The following CFAP251 variants were observed in gnomAD, a reference collection of about 807,000 sequenced individuals.
CFAP251 encodes the protein cilia and flagella associated protein 251, also known as cilia- and flagella-associated protein 251.
In CFAP251, 93 loss-of-function variants were observed where a neutral mutation model predicts 126.7. The observed-to-expected ratio is 0.73, with a 90% CI of 0.62 to 0.87. The LOEUF is 0.87. Among genes scored for constraint, CFAP251 ranks in the 40% least tolerant of loss-of-function variants. CFAP251 has a pLI of 0.00. For synonymous variants in CFAP251, 503 were observed against 506.9 expected, an observed-to-expected ratio of 0.99 and a Z score of 0.10; for missense variants, 1,287 against 1,389.2, an observed-to-expected ratio of 0.93 and a Z score of 1.17.
At chr12:121,993,975 G>C (rs1882957147) in intron 19 of CFAP251, among the ~76,000 whole-genome samples, 1 of 82,572 alleles carries the variant, frequency 1.2e-5, no homozygotes, top group African/African-American at 3.6e-5. Flanking sequence ...AGGGAGGTGG[G>C]GGGGTCAGCC....
chr12:121,961,104 G>A (rs1183680398), intron 14 of CFAP251, among the ~76,000 whole-genome samples: 1 of 152,184 alleles, frequency 6.6e-6, no homozygotes, highest in African/African-American at 2.4e-5. Context: ...ATCAGTTGGG[G>A]CCAGGCTGCT....
At chr12:121,975,741 C>A in intron 19 of CFAP251, 56 bp downstream of exon 19, 1 of 1,512,158 alleles carries the variant, frequency 6.6e-7, no homozygotes, top group South Asian at 1.4e-5. Context: ...AAAAAACAAC[C>A]TCTGGGAACA....
chr12:121,988,177 CTTGCCA>C (rs1882795633), intron 19 of CFAP251, among the ~76,000 whole-genome samples: 1 of 151,850 alleles, frequency 6.6e-6, no homozygotes, highest in Non-Finnish European at 1.5e-5. Context: ...AATGTTGTTA[CTTGCCA>C]TTGCCATGGC....
intron 19 of CFAP251, among the ~76,000 whole-genome samples, chr12:121,984,794 G>A (rs902989664): frequency 5.3e-5 from 8 of 152,134 alleles, no homozygotes; most frequent in Non-Finnish European, 7.4e-5. Flanking sequence ...CATATCATTC[G>A]TTTCCTGCTT....
chr12:121,972,972 T>C (rs1882373820), intron 17 of CFAP251, among the ~76,000 whole-genome samples: 1 of 152,238 alleles, frequency 6.6e-6, no homozygotes, highest in African/African-American at 2.4e-5. Context: ...AAGTTGCCTA[T>C]GTAACCAATA....
chr12:121,962,174 G>A lies in CFAP251; in HGVS notation c.2492+12G>A. ...ACCAAAATGTGCAGGTAAGCACCCGGAGCTTCCCATTGCAGGGGGCGTGGA... is the reference window on the plus strand; with the variant it reads ...ACCAAAATGTGCAGGTAAGCACCCGAAGCTTCCCATTGCAGGGGGCGTGGA... On this transcript the variant is annotated intron_variant, in intron 15 of 21. Coordinates refer to ENST00000288912, the MANE Select transcript of CFAP251 (RefSeq NM_144668.6). 1 of 1,610,636 alleles carries A rather than the reference G, an allele frequency of 6.2e-7. No individual in the cohort carries two copies. Among genetic ancestry groups the A allele is most frequent in the Non-Finnish European group, 8.5e-7 (1 of 1,178,688 alleles).
At chr12:121,932,174 T>C (rs1276052546) in intron 4 of CFAP251, 1 of 197,014 alleles carries the variant, frequency 5.1e-6, no homozygotes, top group Non-Finnish European at 1.0e-5. Flanking sequence ...GTAGATCATA[T>C]CTCCACAGAT....
intron 8 of CFAP251, chr12:121,950,069 A>T (rs773470465): frequency 6.6e-6 from 1 of 152,252 alleles, no homozygotes; most frequent in African/African-American, 2.4e-5. Context: ...ACCAAAAGGT[A>T]GAAACAAGCC....
At position 121,968,129 on chromosome 12, in the gene CFAP251, G is replaced by A. The variant is rs1427888977; in HGVS notation, c.2731G>A (p.Gly911Arg). ...YDGCYAFTAG[G>R]HDRSVVQWKI... Reference sequence around the variant, plus strand: ...TGGCTGCTACGCCTTCACTGCGGGAGGGCACGATCGCTCGGTGGTGCAGTG... The same window carrying A: ...TGGCTGCTACGCCTTCACTGCGGGAAGGCACGATCGCTCGGTGGTGCAGTG... The change falls in exon 17 of 22, where the codon GGG becomes AGG. Residue 911 changes from glycine (G) to arginine (R), a missense_variant. Coordinates refer to ENST00000288912, the MANE Select transcript of CFAP251 (RefSeq NM_144668.6). The A allele has an allele frequency of 1.9e-6, 3 of 1,612,268 alleles. No homozygotes were observed. Among genetic ancestry groups the A allele is most frequent in the Non-Finnish European group, 2.5e-6 (3 of 1,178,594 alleles).
intron 17 of CFAP251, among the ~76,000 whole-genome samples, chr12:121,972,387 C>A (rs1882356588): frequency 6.6e-6 from 1 of 152,096 alleles, no homozygotes; most frequent in African/African-American, 2.4e-5. Flanking sequence ...AAAAGTGATT[C>A]TGTTATGTTT....
Position 121,923,754 on chromosome 12 carries a change from A to T in CFAP251, c.511A>T (p.Ile171Phe), listed in dbSNP as rs769380655. The T allele has an allele frequency of 6.2e-7, 1 of 1,613,150 alleles. No homozygotes were observed. Among genetic ancestry groups the T allele is most frequent in the Non-Finnish European group, 8.5e-7 (1 of 1,179,652 alleles). The change falls in exon 3 of 22, where the codon ATT (isoleucine) becomes TTT (phenylalanine). Residue 171 changes from isoleucine to phenylalanine, a missense_variant. Physicochemically the swap from Ile to Phe is conservative, Grantham distance 21 (BLOSUM62 0). Coordinates refer to ENST00000288912, the MANE Select transcript of CFAP251 (RefSeq NM_144668.6). Reference sequence around the variant, plus strand: ...TCAAATCAGTCCTGAGGAACAACAGATTAGTTCCCCTGAAAGGCAGCCCTC... The same window carrying T: ...TCAAATCAGTCCTGAGGAACAACAGTTTAGTTCCCCTGAAAGGCAGCCCTC... ...LDQISPEEQQ[I>F]SSPERQPSGE...
intron 15 of CFAP251, among the ~76,000 whole-genome samples, chr12:121,963,324 A>C (rs1882010229): frequency 6.6e-6 from 1 of 152,072 alleles, no homozygotes; most frequent in African/African-American, 2.4e-5. Context: ...AGAGATGAGG[A>C]GGACAAGGGA....
intron 1 of CFAP251, among the ~76,000 whole-genome samples, chr12:121,920,993 C>T (rs1444847686): frequency 8.6e-5 from 13 of 151,886 alleles, no homozygotes; most frequent in African/African-American, 2.4e-4. Context: ...GGATTACAGG[C>T]GCCTGCCACC....
chr12:121,945,594 T>G (rs1423643763), intron 7 of CFAP251, among the ~76,000 whole-genome samples: 1 of 151,598 alleles, frequency 6.6e-6, no homozygotes, highest in Non-Finnish European at 1.5e-5. Context: ...CCGCCCGCCT[T>G]GGCCTCCCAA....
chr12:121,955,467 C>T (rs1454482608), intron 10 of CFAP251, among the ~76,000 whole-genome samples: 1 of 152,070 alleles, frequency 6.6e-6, no homozygotes, highest in Non-Finnish European at 1.5e-5. Flanking sequence ...ATGGGCATAA[C>T]AGTACTATTT....
At chr12:121,933,815 C>T (rs1307947547) in intron 4 of CFAP251, among the ~76,000 whole-genome samples, 2 of 152,014 alleles carry the variant, frequency 1.3e-5, no homozygotes, top group African/African-American at 4.8e-5. Context: ...TGAGACCCTG[C>T]CTCAAACAAA....
chr12:121,921,790 T>G, intron 2 of CFAP251, 107 bp downstream of exon 2: 1 of 1,027,568 alleles, frequency 9.7e-7, no homozygotes, highest in Non-Finnish European at 1.3e-6. Flanking sequence ...TACAATCCAT[T>G]CCTTTTTTTT....
At chr12:121,958,780 G>A (rs922049799) in intron 12 of CFAP251, among the ~76,000 whole-genome samples, 163 bp from the exon 13 acceptor site, 1 of 152,234 alleles carries the variant, frequency 6.6e-6, no homozygotes, top group Non-Finnish European at 1.5e-5. Context: ...GCGTCTCTGC[G>A]CGCTCACCCC....
intron 19 of CFAP251, among the ~76,000 whole-genome samples, chr12:121,976,672 A>C (rs1316714427): frequency 6.6e-6 from 1 of 152,166 alleles, no homozygotes; most frequent in Non-Finnish European, 1.5e-5. Flanking sequence ...TTGGGATGCC[A>C]AGTTGGGGAG....
Sources: allele counts gnomAD v4.1 joint callset (sites outside exome capture counted in the v4.1 genomes callset), GRCh38; gene constraint gnomAD v4.1.1; transcripts MANE v1.5; gene names NCBI Gene and HGNC (gene_info 2026-07-23, HGNC 2026-07-21).